The following IRAG2 variants were observed in gnomAD, a reference collection of about 807,000 sequenced individuals.
The protein encoded by IRAG2 is lymphoid restricted membrane protein.
A neutral mutation model predicts 69.9 loss-of-function variants in IRAG2; 45 were observed. The ratio of observed to expected loss-of-function variants is 0.64; its 90% CI spans 0.51 to 0.83. IRAG2 has a LOEUF of 0.83. Ranked by LOEUF, IRAG2 falls within the 40% of genes least tolerant of loss-of-function variation. The pLI, the probability that IRAG2 is intolerant of heterozygous loss-of-function variation, is 0.00. For synonymous variants in IRAG2, 193 were observed against 202.4 expected (o/e 0.95, Z 0.40); for missense variants, 520 against 587.0 (o/e 0.89, Z 1.18).
At chr12:25,052,052 C>A (rs1481922499), upstream of IRAG2, among the ~76,000 whole-genome samples, 1 of 152,162 alleles carries the variant, frequency 6.6e-6, no homozygotes, top group Non-Finnish European at 1.5e-5. Context: ...GACCAATAAG[C>A]TTTGCTTAAG....
intron 12 of IRAG2, among the ~76,000 whole-genome samples, chr12:25,033,366 G>A (rs750006665): frequency 6.6e-6 from 1 of 152,096 alleles, no homozygotes; most frequent in African/African-American, 2.4e-5. Context: ...TGCTAGTCCA[G>A]GATCCACAGG....
chr12:25,055,723 G>T (rs141423113), intron 1 of IRAG2, among the ~76,000 whole-genome samples: 2,168 of 152,226 alleles, frequency 0.014, 47 homozygotes, highest in African/African-American at 0.05. Context: ...TTCTGTCCTT[G>T]CGATAGTTTG....
At chr12:25,020,734 T>C (rs1944571679) in intron 6 of IRAG2, 2 of 832,112 alleles carry the variant, frequency 2.4e-6, no homozygotes, top group African/African-American at 3.5e-5. Context: ...GTTCTTAGTG[T>C]CTTTGACGGT....
At chr12:25,000,733 C>T (rs968258703), upstream of IRAG2, among the ~76,000 whole-genome samples, 9 of 152,240 alleles carry the variant, frequency 5.9e-5, no homozygotes, top group African/African-American at 2.2e-4. Flanking sequence ...AGTGTACCAT[C>T]TTTATGTAGT....
At chr12:25,028,128 T>C (rs1944638930) in intron 9 of IRAG2, among the ~76,000 whole-genome samples, 1 of 152,178 alleles carries the variant, frequency 6.6e-6, no homozygotes, top group Admixed American at 6.5e-5. Context: ...TTTCACCATG[T>C]TGGCCAGGCT....
At chr12:25,051,739 G>T, upstream of IRAG2, among the ~76,000 whole-genome samples, 1 of 152,192 alleles carries the variant, frequency 6.6e-6, no homozygotes, top group East Asian at 1.9e-4. Context: ...CTCGTGGCAC[G>T]TGTTTATACT....
At chr12:25,089,170 C>T (rs1373469986) in intron 11 of IRAG2, among the ~76,000 whole-genome samples, 2 of 152,108 alleles carry the variant, frequency 1.3e-5, no homozygotes, top group Non-Finnish European at 2.9e-5. Context: ...TGGTTGATGC[C>T]ATGTTTATTG....
intron 10 of IRAG2, chr12:25,030,380 C>G (rs1944659580): frequency 8.5e-7 from 1 of 1,173,144 alleles, no homozygotes; most frequent in Admixed American, 4.2e-5. Flanking sequence ...TTGGCTAGCT[C>G]TCTCCAAATC....
upstream of IRAG2, among the ~76,000 whole-genome samples, chr12:25,002,537 A>G (rs1944398661): frequency 6.6e-6 from 1 of 152,180 alleles, no homozygotes; most frequent in South Asian, 2.1e-4. Flanking sequence ...AAATCCTAGG[A>G]GAGATCAGAA....
At chr12:25,006,436 A>G (rs1418193291) in intron 2 of IRAG2, 1 of 152,218 alleles carries the variant, frequency 6.6e-6, no homozygotes, top group Non-Finnish European at 1.5e-5. Context: ...TGTTCATCAC[A>G]GCACTGTTCA....
intron 11 of IRAG2, among the ~76,000 whole-genome samples, chr12:25,089,199 G>GTATTATTATTACTAC (rs976508662): frequency 6.6e-6 from 1 of 152,114 alleles, no homozygotes; most frequent in Admixed American, 6.6e-5. Context: ...ATTGTTACCA[G>GTATTATTATTACTAC]TATTATTATT....
At chr12:25,011,032 G>A (rs1405362098) in intron 2 of IRAG2, among the ~76,000 whole-genome samples, 3 of 152,274 alleles carry the variant, frequency 2.0e-5, no homozygotes, top group South Asian at 4.1e-4. Context: ...CACCTCCCAT[G>A]AGAAATTATT....
At chr12:25,075,521 C>CATGTGT (rs750386542) in intron 6 of IRAG2, among the ~76,000 whole-genome samples, 25 of 139,268 alleles carry the variant, frequency 1.8e-4, no homozygotes, top group African/African-American at 5.2e-4. Context: ...TGTGTGTATG[C>CATGTGT]GTGTGTGTGT....
chr12:25,016,755 G>GAA lies in IRAG2; in HGVS notation c.1056-367_1056-366dup, dbSNP rs34765422. Among the ~76,000 whole-genome samples, 38 of 132,566 alleles carry GAA rather than the reference G, an allele frequency of 2.9e-4. 1 individual carries two copies. The highest frequency in any genetic ancestry group is 9.8e-4 in the Admixed American group (13 of 13,254). The allele number at this position is 132,566 out of a possible 152,430, so 87.0% of individuals were successfully genotyped here. A position where few individuals can be genotyped will look rare whatever the true frequency, so the allele number is the denominator to read the frequency against. On this transcript the variant is annotated intron_variant, in intron 5 of 38. Coordinates refer to the IRAG2 transcript ENST00000636465. ...AGAGCAAGACTCTGTCTCAAAAAAT[G>GAA]AAAAAAAAAAAAAGAATATTGTGTC... is the stretch of plus-strand genomic sequence containing the variant.
chr12:25,085,761 CT>C (rs1378922652), intron 10 of IRAG2, among the ~76,000 whole-genome samples: 1 of 152,194 alleles, frequency 6.6e-6, no homozygotes, highest in Admixed American at 6.5e-5. Context: ...AACACATCCT[CT>C]TATATACTTT....
intron 4 of IRAG2, 127 bp from the exon 5 acceptor site, chr12:25,066,238 T>C (rs930382129): frequency 1.0e-5 from 4 of 391,170 alleles, no homozygotes; most frequent in Non-Finnish European, 1.8e-5. Flanking sequence ...GGAGTTTATG[T>C]TAAAATGTGA....
chr12:25,052,571 C>A, upstream of IRAG2: 1 of 396,996 alleles, frequency 2.5e-6, no homozygotes, highest in Non-Finnish European at 4.4e-6. Flanking sequence ...GGCGACTCTG[C>A]AGAAAGAGGC....
chr12:25,075,548 G>A (rs1438475975), intron 6 of IRAG2, among the ~76,000 whole-genome samples: 3 of 147,336 alleles, frequency 2.0e-5, no homozygotes, highest in African/African-American at 7.4e-5. Context: ...GTGTGTGTGT[G>A]TGTGTGTGTA....
chr12:25,035,073 A>T (rs1283699710), intron 13 of IRAG2, among the ~76,000 whole-genome samples: 1 of 152,228 alleles, frequency 6.6e-6, no homozygotes, highest in Non-Finnish European at 1.5e-5. Flanking sequence ...ATCAGCCGGC[A>T]AAGTTCTGGC....
Sources: gnomAD v4.1 joint callset for allele counts (sites outside exome capture counted in the v4.1 genomes callset) on GRCh38, gnomAD v4.1.1 for gene constraint, MANE v1.5 for transcripts, NCBI Gene and HGNC (gene_info 2026-07-23, HGNC 2026-07-21) for gene names.